The following GALNT13 variants were observed in gnomAD, a reference collection of about 807,000 sequenced individuals.
GALNT13 encodes polypeptide N-acetylgalactosaminyltransferase 13, also known as UDP-GalNAc:polypeptide N-acetylgalactosaminyltransferase 13.
In GALNT13, 28 loss-of-function variants were observed where a neutral mutation model predicts 64.2. That is an observed-to-expected ratio of 0.44 (90% CI 0.32 to 0.60). The LOEUF is 0.60. Among genes scored for constraint, GALNT13 ranks in the 20% least tolerant of loss-of-function variants. The pLI is 0.05. For missense variants in GALNT13, 577 were observed against 669.8 expected, an observed-to-expected ratio of 0.86 and a Z score of 1.53; for synonymous variants, 214 against 224.6, an observed-to-expected ratio of 0.95 and a Z score of 0.42.
At chr2:153,249,353 A>G in the GALNT13 span, among the ~76,000 whole-genome samples, 2 of 152,248 alleles carry the variant, frequency 1.3e-5, no homozygotes, top group African/African-American at 4.8e-5. Context: ...AGAACTACAA[A>G]TCACTGCTCA....
At chr2:154,141,857 A>G (rs529528631) in intron 4 of GALNT13, among the ~76,000 whole-genome samples, 3 of 152,344 alleles carry the variant, frequency 2.0e-5, no homozygotes, top group African/African-American at 7.2e-5. Context: ...TATTGCACGA[A>G]AAATGATGTT....
At chr2:153,514,820 G>C in the GALNT13 span, among the ~76,000 whole-genome samples, 1 of 152,174 alleles carries the variant, frequency 6.6e-6, no homozygotes, top group Non-Finnish European at 1.5e-5. Context: ...GTGCCTAACA[G>C]GTGCTGTGCT....
At chr2:153,386,034 T>A in the GALNT13 span, among the ~76,000 whole-genome samples, 1 of 151,972 alleles carries the variant, frequency 6.6e-6, no homozygotes, top group East Asian at 1.9e-4. Context: ...GAAGAATCAA[T>A]GTCAAAATAA....
the GALNT13 span, among the ~76,000 whole-genome samples, chr2:153,397,279 C>T: frequency 2.0e-5 from 3 of 152,160 alleles, no homozygotes; most frequent in South Asian, 6.2e-4. Context: ...CAAATCTATG[C>T]ATTTTACATA....
the GALNT13 span, among the ~76,000 whole-genome samples, chr2:153,182,131 CCT>C: frequency 6.6e-6 from 1 of 151,684 alleles, no homozygotes; most frequent in Non-Finnish European, 1.5e-5. Flanking sequence ...GCAAGCTCTG[CCT>C]CCCGAGTTCA....
At chr2:153,438,623 A>C in the GALNT13 span, among the ~76,000 whole-genome samples, 3 of 152,118 alleles carry the variant, frequency 2.0e-5, no homozygotes, top group Non-Finnish European at 4.4e-5. Context: ...CGCATTGGCT[A>C]CTGAGGCTTG....
chr2:153,405,574 C>T, the GALNT13 span, among the ~76,000 whole-genome samples: 2 of 152,110 alleles, frequency 1.3e-5, no homozygotes, highest in Non-Finnish European at 2.9e-5. Context: ...TTTTGGAGCC[C>T]AACCTCAGGG....
At chr2:153,116,016 C>A in the GALNT13 span, among the ~76,000 whole-genome samples, 2 of 151,988 alleles carry the variant, frequency 1.3e-5, no homozygotes, top group Admixed American at 6.6e-5. Context: ...GCTGTGTTGT[C>A]TAAAACATTG....
the GALNT13 span, among the ~76,000 whole-genome samples, chr2:153,504,971 T>A: frequency 6.6e-6 from 1 of 152,214 alleles, no homozygotes; most frequent in Non-Finnish European, 1.5e-5. Flanking sequence ...CAATTCTTCC[T>A]TGAATGTCTG....
At chr2:153,661,317 GA>G in the GALNT13 span, among the ~76,000 whole-genome samples, 1 of 152,208 alleles carries the variant, frequency 6.6e-6, no homozygotes, top group East Asian at 1.9e-4. Context: ...ATTTTCTGGA[GA>G]AAGGCTACTC....
chr2:154,006,410 A>G (rs1365696040), intron 3 of GALNT13, among the ~76,000 whole-genome samples: 1 of 152,228 alleles, frequency 6.6e-6, no homozygotes, highest in Non-Finnish European at 1.5e-5. Flanking sequence ...AATTCATCAC[A>G]AATTTAACTA....
chr2:153,925,485 A>C (rs1193615545), intron 2 of GALNT13, among the ~76,000 whole-genome samples: 1 of 142,328 alleles, frequency 7.0e-6, no homozygotes, highest in Non-Finnish European at 1.5e-5. Flanking sequence ...ATCAGGTAGC[A>C]TGAAGCCTCG....
chr2:153,290,710 A>C, the GALNT13 span, among the ~76,000 whole-genome samples: 1 of 152,160 alleles, frequency 6.6e-6, no homozygotes, highest in Admixed American at 6.5e-5. Context: ...CCTACATATT[A>C]TCCCCCTATG....
At chr2:153,840,554 A>C in the GALNT13 span, among the ~76,000 whole-genome samples, 2 of 152,144 alleles carry the variant, frequency 1.3e-5, no homozygotes, top group East Asian at 3.9e-4. Flanking sequence ...TTCTGTGTGC[A>C]TCAGGGTCCT....
At chr2:154,286,696 G>A in intron 8 of GALNT13, 1 of 305,886 alleles carries the variant, frequency 3.3e-6, no homozygotes, top group Non-Finnish European at 6.5e-6. Context: ...TGGACACAGA[G>A]CTGCCATCTT....
the GALNT13 span, among the ~76,000 whole-genome samples, chr2:153,336,006 G>A: frequency 6.6e-6 from 1 of 152,208 alleles, no homozygotes; most frequent in African/African-American, 2.4e-5. Context: ...GAAGCCCCAA[G>A]CCTTGGCATC....
the GALNT13 span, among the ~76,000 whole-genome samples, chr2:153,086,717 A>T: frequency 0.025 from 3,119 of 126,756 alleles, 114 homozygotes; most frequent in African/African-American, 0.074. Flanking sequence ...TATTTTATTT[A>T]TTTTATTTTA....
chr2:153,085,848 C>G, the GALNT13 span, among the ~76,000 whole-genome samples: 1 of 152,130 alleles, frequency 6.6e-6, no homozygotes, highest in Non-Finnish European at 1.5e-5. Context: ...GATTCACTGA[C>G]AGCTTGCACT....
the GALNT13 span, among the ~76,000 whole-genome samples, chr2:153,671,309 G>A: frequency 2.6e-5 from 4 of 152,204 alleles, no homozygotes; most frequent in East Asian, 1.9e-4. Flanking sequence ...GAGAAAGGTT[G>A]GTTTACCCAC....
Sources: gnomAD v4.1 joint callset for allele counts (sites outside exome capture counted in the v4.1 genomes callset) on GRCh38, gnomAD v4.1.1 for gene constraint, MANE v1.5 for transcripts, NCBI Gene and HGNC (gene_info 2026-07-23, HGNC 2026-07-21) for gene names.